Variants in CDC73 observed in about 807,000 individuals in gnomAD.
The protein encoded by CDC73 is parafibromin.
CDC73 carries 21 observed loss-of-function variants against 83.7 expected under a neutral mutation model. That is an observed-to-expected ratio of 0.25 (90% CI 0.18 to 0.36). CDC73 has a LOEUF of 0.36. Among genes scored for constraint, CDC73 ranks in the 10% least tolerant of loss-of-function variants. The pLI, the probability that CDC73 is intolerant of heterozygous loss-of-function variation, is 1.00. For missense variants in CDC73, 342 were observed against 653.3 expected (o/e 0.52, Z 5.19); for synonymous variants, 224 against 212.9 (o/e 1.05, Z -0.45).
rs1048093109 is a variant in CDC73 at position 193,180,283 on chromosome 1, A to C, written c.973-23512A>C. The C allele has an allele frequency of 2.6e-6, 4 of 1,535,252 alleles. No individual in the cohort carries two copies. The African/African-American group carries it at 5.6e-5, about 21-fold the overall frequency. ...TTTACAAATTGCACATTTGAAAAAA[A>C]ATTGTCTTTTCTAATGTAGTTTACG... is the stretch of plus-strand genomic sequence containing the variant. On this transcript the variant is annotated intron_variant, in intron 10 of 16. Transcript: ENST00000367435.
At chr1:193,147,842 T>C in intron 7 of CDC73, 25 bp from the exon 8 acceptor site, 1 of 1,276,960 alleles carries the variant, frequency 7.8e-7, no homozygotes, top group Non-Finnish European at 1.1e-6. Context: ...AAAGTGGGCT[T>C]AATTAAAATC....
At chr1:193,157,608 A>G (rs1214755486) in intron 10 of CDC73, among the ~76,000 whole-genome samples, 1 of 152,172 alleles carries the variant, frequency 6.6e-6, no homozygotes, top group Non-Finnish European at 1.5e-5. Flanking sequence ...CCTCCTTTAG[A>G]TAAGAGGTTT....
chr1:193,148,841 C>T (rs1433825291), intron 8 of CDC73, among the ~76,000 whole-genome samples: 2 of 151,374 alleles, frequency 1.3e-5, no homozygotes, highest in African/African-American at 4.9e-5. Flanking sequence ...GATGGGGTTT[C>T]GTCCTGTTCA....
chr1:193,177,281 T>C lies in CDC73; in HGVS notation c.972+24837T>C, dbSNP rs892908286. On this transcript the variant is annotated intron_variant, in intron 10 of 16. Coordinates refer to ENST00000367435, the MANE Select transcript of CDC73 (RefSeq NM_024529.5). The stretch of plus-strand genomic sequence containing the variant: ...GCTCAAGCCTGTAATCCCAGCACTT[T>C]GGGAGGCCGAATCACGAGGTCAGGA... Among the ~76,000 whole-genome samples the C allele has an allele frequency of 3.0e-5, 4 of 135,382 alleles. No individual in the cohort carries two copies. The East Asian group carries it at 8.6e-4, about 29-fold the overall frequency. 88.8% of individuals were successfully genotyped at this position (135,382 alleles called of 152,430 possible).
intron 3 of CDC73, 132 bp downstream of exon 3, chr1:193,130,375 G>T (rs959118016): frequency 1.4e-6 from 1 of 714,372 alleles, no homozygotes; most frequent in African/African-American, 1.7e-5. Flanking sequence ...TTGTCCATGT[G>T]CTCACCTTTT....
chr1:193,138,315 A>G (rs1416935568), intron 6 of CDC73, 142 bp downstream of exon 6: 7 of 688,784 alleles, frequency 1.0e-5, no homozygotes, highest in Non-Finnish European at 1.9e-5. Flanking sequence ...TCGTAAGAAC[A>G]TGTGTGGGGA....
In CDC73 at chr1:193,204,352, C is replaced by T. The variant is rs150293139; in HGVS notation, c.1030+500C>T. Among the ~76,000 whole-genome samples the T allele has an allele frequency of 5.2e-3, 782 of 150,042 alleles. 4 individuals carry two copies. The highest frequency in any genetic ancestry group is 0.011 in the South Asian group (50 of 4,700). On this transcript the variant is annotated intron_variant, in intron 11 of 16. Transcript: ENST00000367435. ...TCACCCAGGCTGGAGTACACTGGCG[C>T]CATCTCATCTCACTGCAAGCTCCGC...
At chr1:193,163,154 T>G (rs1437822802) in intron 10 of CDC73, among the ~76,000 whole-genome samples, 157 of 126,208 alleles carry the variant, frequency 1.2e-3, no homozygotes, top group South Asian at 1.9e-3. Flanking sequence ...TGTGGGGTTG[T>G]GTGTGTGTGT....
At position 193,205,201 on chromosome 1, in the gene CDC73, C is replaced by CT. The variant is rs963551821; in HGVS notation, c.1030+1349_1030+1350insT. Among the ~76,000 whole-genome samples, 9 of 116,116 alleles carry CT rather than the reference C, an allele frequency of 7.8e-5. 1 individual carries two copies. Among genetic ancestry groups the CT allele is most frequent in the Non-Finnish European group, 1.4e-4 (8 of 57,058 alleles). The allele number at this position is 116,116 out of a possible 152,430, so 76.2% of individuals were successfully genotyped here. A position where few individuals can be genotyped will look rare whatever the true frequency, so the allele number is the denominator to read the frequency against. On this transcript the variant is annotated intron_variant, in intron 11 of 16. Coordinates refer to ENST00000367435, the MANE Select transcript of CDC73 (RefSeq NM_024529.5). ...TGCTAGGCTATACCACCTGTCCCCC[C>CT]CCCCCCCTTTTTTTTTAAACTCATC...
At chr1:193,132,709 T>G (rs757526947) in intron 3 of CDC73, among the ~76,000 whole-genome samples, 3 of 151,640 alleles carry the variant, frequency 2.0e-5, no homozygotes, top group African/African-American at 4.8e-5. Context: ...AAAATAGTGG[T>G]TTTTTTTGTT....
intron 1 of CDC73, 90 bp downstream of exon 1, chr1:193,122,421 C>T: frequency 6.5e-7 from 1 of 1,533,958 alleles, no homozygotes; most frequent in Non-Finnish European, 9.0e-7. Context: ...CCCCGTTTCC[C>T]CTGGGGATGG....
At chr1:193,139,869 G>A (rs1414471115) in intron 6 of CDC73, among the ~76,000 whole-genome samples, 12 of 152,190 alleles carry the variant, frequency 7.9e-5, no homozygotes, top group African/African-American at 2.7e-4. Flanking sequence ...CTGGCTAGTG[G>A]AACAGGCACT....
chr1:193,143,278 A>G (rs1675937793), intron 7 of CDC73, among the ~76,000 whole-genome samples: 1 of 152,192 alleles, frequency 6.6e-6, no homozygotes, highest in Non-Finnish European at 1.5e-5. Flanking sequence ...TGCTATTTAC[A>G]ACAAAATGAT....
intron 10 of CDC73, among the ~76,000 whole-genome samples, chr1:193,199,630 G>C (rs911154384): frequency 4.0e-5 from 6 of 150,102 alleles, no homozygotes; most frequent in African/African-American, 7.4e-5. Context: ...GGAGACTCTC[G>C]AGCTTGGGAG....
intron 15 of CDC73, among the ~76,000 whole-genome samples, chr1:193,238,930 A>G (rs1480488444): frequency 1.3e-5 from 2 of 152,174 alleles, no homozygotes; most frequent in Non-Finnish European, 2.9e-5. Flanking sequence ...CCATGTATAA[A>G]TGAACCCACT....
chr1:193,187,797 C>A (rs550041652), intron 10 of CDC73, among the ~76,000 whole-genome samples: 2 of 151,912 alleles, frequency 1.3e-5, no homozygotes, highest in East Asian at 3.9e-4. Flanking sequence ...TTTTAAGAAC[C>A]CCACTGTATT....
At chr1:193,192,377 A>G (rs1238742990) in intron 10 of CDC73, among the ~76,000 whole-genome samples, 1 of 152,240 alleles carries the variant, frequency 6.6e-6, no homozygotes, top group Non-Finnish European at 1.5e-5. Flanking sequence ...TGGGAGGCGG[A>G]AATTGCAGTG....
At chr1:193,192,920 A>G (rs1676943323) in intron 10 of CDC73, among the ~76,000 whole-genome samples, 2 of 152,204 alleles carry the variant, frequency 1.3e-5, no homozygotes, top group Admixed American at 6.5e-5. Context: ...ACTCCCTTAC[A>G]TTCCTTTTTA....
intron 8 of CDC73, among the ~76,000 whole-genome samples, chr1:193,148,428 T>G (rs898401615): frequency 6.6e-6 from 1 of 152,158 alleles, no homozygotes; most frequent in Non-Finnish European, 1.5e-5. Context: ...GAGAGTTGAC[T>G]GCCTTCTCTT....
Sources: allele counts gnomAD v4.1 joint callset (sites outside exome capture counted in the v4.1 genomes callset), GRCh38; gene constraint gnomAD v4.1.1; transcripts MANE v1.5; gene names NCBI Gene and HGNC (gene_info 2026-07-23, HGNC 2026-07-21).